The following TBC1D5 variants were observed in gnomAD, a reference collection of about 807,000 sequenced individuals.
TBC1D5 encodes TBC1 domain family, member 5.
In TBC1D5, 75 loss-of-function variants were observed where a neutral mutation model predicts 100.3. That is an observed-to-expected ratio of 0.75 (90% CI 0.62 to 0.91). The LOEUF (loss-of-function observed/expected upper bound fraction) is 0.91, where lower values mean the gene tolerates loss of function less well. TBC1D5 is among the 40% of genes least tolerant of loss of function. TBC1D5 has a pLI of 0.00. For synonymous variants in TBC1D5, 323 were observed against 325.6 expected, an observed-to-expected ratio of 0.99 and a Z score of 0.09; for missense variants, 910 against 942.4, an observed-to-expected ratio of 0.97 and a Z score of 0.45.
intron 1 of TBC1D5, among the ~76,000 whole-genome samples, chr3:17,728,666 G>A (rs1015080207): frequency 1.3e-5 from 2 of 151,428 alleles, no homozygotes; most frequent in Non-Finnish European, 2.9e-5. Context: ...AAAAGTTGTC[G>A]AGCCATTTGA....
At chr3:17,200,548 A>G (rs76338427) in intron 18 of TBC1D5, among the ~76,000 whole-genome samples, 180 of 152,378 alleles carry the variant, frequency 1.2e-3, no homozygotes, top group African/African-American at 4.2e-3. Context: ...TCCTGAAACC[A>G]TGCCCCTGCA....
intron 3 of TBC1D5, among the ~76,000 whole-genome samples, chr3:17,486,679 G>A (rs978565670): frequency 3.9e-5 from 6 of 152,184 alleles, no homozygotes; most frequent in Admixed American, 2.0e-4. Flanking sequence ...TAATAAAGAC[G>A]GGCTGCACTG....
At chr3:17,187,394 C>T (rs1317333257) in intron 18 of TBC1D5, among the ~76,000 whole-genome samples, 1 of 152,136 alleles carries the variant, frequency 6.6e-6, no homozygotes, top group African/African-American at 2.4e-5. Flanking sequence ...GGAGAGAACA[C>T]ATAGAGAAAA....
At chr3:17,441,327 G>A (rs187854988) in intron 3 of TBC1D5, among the ~76,000 whole-genome samples, 2 of 152,230 alleles carry the variant, frequency 1.3e-5, no homozygotes, top group Admixed American at 6.5e-5. Flanking sequence ...TTGTAAGTTC[G>A]GATAATTATA....
At chr3:17,723,662 CACA>C (rs1408547047) in intron 1 of TBC1D5, among the ~76,000 whole-genome samples, 1 of 152,044 alleles carries the variant, frequency 6.6e-6, no homozygotes, top group African/African-American at 2.4e-5. Flanking sequence ...TTTGGAGATT[CACA>C]ACAATTTGAA....
At chr3:17,476,478 G>C (rs2095439566) in intron 3 of TBC1D5, among the ~76,000 whole-genome samples, 1 of 151,708 alleles carries the variant, frequency 6.6e-6, no homozygotes, top group African/African-American at 2.4e-5. Context: ...CTGTCTATCT[G>C]TTCTTCCCAC....
In TBC1D5 at chr3:17,596,700, C is replaced by CAAA. The variant is rs34625799; in HGVS notation, c.-36+27146_-36+27148dup. 5.8e-3 allele frequency among the ~76,000 whole-genome samples: 260 copies of CAAA among 44,766 alleles called. 3 individuals carry two copies. Among genetic ancestry groups the CAAA allele is most frequent in the African/African-American group, 0.016 (211 of 13,200 alleles). The allele number at this position is 44,766 out of a possible 152,430, so 29.4% of individuals were successfully genotyped here. ...CAGGCAACAATGAGAGACTCCATCT[C>CAAA]AAAAAAAAAAAAAAAAAAAAAGAAT... On this transcript the variant is annotated intron_variant, in intron 2 of 21. Transcript: ENST00000253692.
intron 2 of TBC1D5, among the ~76,000 whole-genome samples, chr3:17,551,323 G>A (rs1197629553): frequency 1.3e-5 from 2 of 152,044 alleles, no homozygotes; most frequent in Non-Finnish European, 2.9e-5. Context: ...CACCTGAATA[G>A]AAAATCAAAT....
intron 13 of TBC1D5, among the ~76,000 whole-genome samples, chr3:17,343,836 T>A (rs13059067): frequency 6.6e-6 from 1 of 152,096 alleles, no homozygotes; most frequent in Non-Finnish European, 1.5e-5. Flanking sequence ...TTTTTTATTG[T>A]GTCTATTTGA....
At chr3:17,738,595 G>C (rs1184671268) in intron 1 of TBC1D5, among the ~76,000 whole-genome samples, 1 of 152,040 alleles carries the variant, frequency 6.6e-6, no homozygotes, top group Admixed American at 6.5e-5. Flanking sequence ...TCCATCATTC[G>C]GATGTGCAAC....
rs1575730504 is a variant in TBC1D5 at position 17,404,976 on chromosome 3, A to G, written c.277-15T>C. ...CAAAGAAATAGCTGTCAAGAAAAAC[A>G]GAAGAAACTTTTGTAAAAATCTTAA... On this transcript the variant is annotated splice_polypyrimidine_tract_variant and intron_variant, in intron 5 of 21. Coordinates refer to ENST00000253692, the Ensembl canonical transcript of TBC1D5. 5.2e-6 allele frequency: 8 copies of G among 1,524,250 alleles called. No individual in the cohort carries two copies. The highest frequency in any genetic ancestry group is 7.1e-6 in the Non-Finnish European group (8 of 1,125,194). 94.4% of individuals were successfully genotyped at this position (1,524,250 alleles called of 1,614,324 possible). A position where few individuals can be genotyped will look rare whatever the true frequency, so the allele number is the denominator to read the frequency against.
intron 15 of TBC1D5, among the ~76,000 whole-genome samples, chr3:17,261,242 C>T (rs1360383848): frequency 1.3e-5 from 2 of 151,874 alleles, no homozygotes; most frequent in African/African-American, 4.8e-5. Context: ...TTTGGAATAC[C>T]ATCTCACACA....
chr3:17,406,329 T>G, intron 5 of TBC1D5, 89 bp downstream of exon 5: 1 of 1,139,496 alleles, frequency 8.8e-7, no homozygotes, highest in Non-Finnish European at 1.2e-6. Flanking sequence ...GAAAATTCAG[T>G]GATCCCCTGC....
intron 3 of TBC1D5, among the ~76,000 whole-genome samples, chr3:17,475,455 T>A (rs888429280): frequency 3.3e-5 from 5 of 152,198 alleles, no homozygotes; most frequent in African/African-American, 1.2e-4. Flanking sequence ...TCCAACACTT[T>A]AGTAAATGTT....
At chr3:17,498,113 C>G (rs1480163135) in intron 3 of TBC1D5, among the ~76,000 whole-genome samples, 3 of 151,998 alleles carry the variant, frequency 2.0e-5, no homozygotes, top group Non-Finnish European at 4.4e-5. Flanking sequence ...TTAATTTCTT[C>G]CATTTAAAAC....
chr3:17,461,848 C>T (rs1218997887), intron 3 of TBC1D5, among the ~76,000 whole-genome samples: 3 of 152,120 alleles, frequency 2.0e-5, no homozygotes, highest in Non-Finnish European at 2.9e-5. Flanking sequence ...TTAATTTCTC[C>T]TCCCTATCTA....
At chr3:17,446,354 A>G (rs561492389) in intron 3 of TBC1D5, among the ~76,000 whole-genome samples, 1 of 152,256 alleles carries the variant, frequency 6.6e-6, no homozygotes, top group African/African-American at 2.4e-5. Flanking sequence ...CAGATTCTTG[A>G]GATATTAAGG....
intron 13 of TBC1D5, among the ~76,000 whole-genome samples, chr3:17,319,956 A>C (rs1349874211): frequency 1.3e-5 from 2 of 152,204 alleles, no homozygotes; most frequent in African/African-American, 4.8e-5. Context: ...GTTCCAAATA[A>C]ACATATATAC....
At chr3:17,698,385 A>C (rs2072514368) in intron 1 of TBC1D5, among the ~76,000 whole-genome samples, 1 of 151,788 alleles carries the variant, frequency 6.6e-6, no homozygotes, top group Admixed American at 6.6e-5. Context: ...CTTATACAAA[A>C]ATCAATTCAA....
Sources: allele counts gnomAD v4.1 joint callset (sites outside exome capture counted in the v4.1 genomes callset), GRCh38; gene constraint gnomAD v4.1.1; transcripts MANE v1.5; gene names NCBI Gene and HGNC (gene_info 2026-07-23, HGNC 2026-07-21).